Variants in SH3TC1 observed in about 807,000 individuals in gnomAD.
The protein encoded by SH3TC1 is SH3 domain and tetratricopeptide repeats 1.
A neutral mutation model predicts 117.3 loss-of-function variants in SH3TC1; 135 were observed. The observed-to-expected ratio is 1.15, with a 90% CI of 1.00 to 1.33. The LOEUF is 1.33. Ranked by LOEUF, SH3TC1 falls within the 40% of genes most tolerant of loss-of-function variation. The probability of loss-of-function intolerance (pLI) is 0.00; values close to 1 mark genes in which losing one functional copy is unlikely to be tolerated. For synonymous variants in SH3TC1, 898 were observed against 816.9 expected, an observed-to-expected ratio of 1.10 and a Z score of -1.69; for missense variants, 2,092 against 1,794.3, an observed-to-expected ratio of 1.17 and a Z score of -3.00.
chr4:8,214,324 CT>C (rs1174367694), intron 4 of SH3TC1, 150 bp from the exon 5 acceptor site: 2 of 644,162 alleles, frequency 3.1e-6, no homozygotes, highest in African/African-American at 3.7e-5. Flanking sequence ...AGGGGAGGAG[CT>C]GACTTGGGCT....
In SH3TC1 at chr4:8,190,463, G is replaced by T. The variant is rs1340321896; in HGVS notation, c.-57+8253G>T. On this transcript the variant is annotated intron_variant, in intron 1 of 16. Coordinates refer to the SH3TC1 transcript ENST00000508641. The surrounding 1 kb of genome is among the most constrained non-coding windows in gnomAD (Gnocchi z 4.7). ...TCGGGCCTATGGGATTGGAGGTCCT[G>T]GGGGGACTCATCTGTAAGCTGGGAT... is the stretch of plus-strand genomic sequence containing the variant. 6.6e-6 allele frequency among the ~76,000 whole-genome samples: 1 copy of T among 152,134 alleles called. No homozygotes were observed. The highest frequency in any genetic ancestry group is 2.4e-5 in the African/African-American group (1 of 41,434).
chr4:8,212,674 C>G, intron 3 of SH3TC1, 27 bp from the exon 4 acceptor site: 1 of 1,612,650 alleles, frequency 6.2e-7, no homozygotes, highest in Non-Finnish European at 8.5e-7. Context: ...GTCAGACCAA[C>G]TGCCCAACCT....
intron 14 of SH3TC1, 84 bp downstream of exon 14, chr4:8,233,597 ATCCT>A: frequency 7.0e-7 from 1 of 1,431,874 alleles, no homozygotes; most frequent in Non-Finnish European, 9.3e-7. Context: ...ATGATAGATG[ATCCT>A]TCCATCATCT....
upstream of SH3TC1, among the ~76,000 whole-genome samples, chr4:8,198,012 T>C (rs910968080): frequency 6.6e-6 from 1 of 152,108 alleles, no homozygotes; most frequent in South Asian, 2.1e-4. Context: ...ATCTGAGCTA[T>C]GTTTGGCTGC....
At chr4:8,237,760 C>T in intron 17 of SH3TC1, 90 bp downstream of exon 17, 1 of 1,372,974 alleles carries the variant, frequency 7.3e-7, no homozygotes, top group Admixed American at 2.7e-5. Context: ...TTCCAGCCTT[C>T]CTTAAGAATG....
In SH3TC1 at chr4:8,227,166, A is replaced by G; in HGVS notation, c.1472A>G (p.Asp491Gly). 6.2e-7 allele frequency: 1 copy of G among 1,603,830 alleles called. No homozygotes were observed. The highest frequency in any genetic ancestry group is 1.1e-5 in the South Asian group (1 of 89,892). The change falls in exon 12 of 18, where the codon GAC becomes GGC. Residue 491 changes from aspartate to glycine, a missense_variant. By Grantham distance (94) the Asp-to-Gly change is moderately conservative. Transcript: ENST00000245105. The part of the protein sequence containing the change: ...EEPSFCLEAE[D>G]DWEDPEALSS... ...CCCTCCTTCTGCTTGGAAGCCGAGG[A>G]CGACTGGGAGGACCCAGAGGCCCTG...
Position 8,186,042 on chromosome 4 carries a change from C to T in SH3TC1, c.-57+3832C>T, listed in dbSNP as rs1163376800. On this transcript the variant is annotated intron_variant, in intron 1 of 16. Transcript: ENST00000508641. The surrounding 1 kb of genome is among the most constrained non-coding windows in gnomAD (Gnocchi z 5.2). Reference sequence around the variant, plus strand: ...ATTGAGCAACATTTCCTACATTTTACGGTGATAGGCAGGAGCTGTCCGCGC... The same window carrying T: ...ATTGAGCAACATTTCCTACATTTTATGGTGATAGGCAGGAGCTGTCCGCGC... 6.6e-6 allele frequency among the ~76,000 whole-genome samples: 1 copy of T among 152,178 alleles called. No homozygotes were observed.
chr4:8,227,080 G>T lies in SH3TC1; in HGVS notation c.1386G>T (p.Glu462Asp), dbSNP rs201212473. ...QCKTCPGCPQ[E>D]PASWGLCAAS... ...AGACCTGCCCAGGCTGCCCCCAGGA[G>T]CCAGCGTCCTGGGGTCTCTGTGCGG... Residue 462 changes from glutamate to aspartate, a missense_variant, in exon 12 of 18, where the codon GAG (glutamate) becomes GAT (aspartate). Glu to Asp is a conservative substitution (Grantham distance 45). Coordinates refer to ENST00000245105, the MANE Select transcript of SH3TC1 (RefSeq NM_018986.5). The T allele has an allele frequency of 3.4e-5, 54 of 1,611,068 alleles. No homozygotes were observed. Among genetic ancestry groups the T allele is most frequent in the Non-Finnish European group, 4.3e-5 (51 of 1,178,804 alleles).
At chr4:8,239,973 T>C (rs768238296) in intron 17 of SH3TC1, among the ~76,000 whole-genome samples, 1 of 152,244 alleles carries the variant, frequency 6.6e-6, no homozygotes, top group African/African-American at 2.4e-5. Flanking sequence ...CATGGGCTGC[T>C]GCATCTTAGA....
rs539694801 is a variant in SH3TC1, at chr4:8,210,435, G to A, written c.247+613G>A. Among the ~76,000 whole-genome samples, 1 of 152,334 alleles carries A rather than the reference G, an allele frequency of 6.6e-6. No homozygotes were observed. The highest frequency in any genetic ancestry group is 6.5e-5 in the Admixed American group (1 of 15,306). The stretch of plus-strand genomic sequence containing the variant: ...TGGTCAGCACTGCTGGTGGCCACTC[G>A]GGATGACCAGGACGCATTAGGCAAT... On this transcript the variant is annotated intron_variant, in intron 3 of 17. Coordinates refer to ENST00000245105, the MANE Select transcript of SH3TC1 (RefSeq NM_018986.5). This position sits in a 1 kb window ranked among gnomAD's most constrained non-coding sequence, Gnocchi z 4.1.
In SH3TC1 at chr4:8,206,832, C is replaced by CGT. The variant is rs58753240; in HGVS notation, c.172+1502_172+1503dup. Among the ~76,000 whole-genome samples, 23,001 of 144,598 alleles carry CGT rather than the reference C, an allele frequency of 0.16. 1,807 individuals carry two copies. The highest frequency in any genetic ancestry group is 0.28 in the East Asian group (1,350 of 4,904). The allele number at this position is 144,598 out of a possible 152,430, so 94.9% of individuals were successfully genotyped here. On this transcript the variant is annotated intron_variant, in intron 2 of 17. Transcript: ENST00000245105. The surrounding 1 kb of genome is among the most constrained non-coding windows in gnomAD (Gnocchi z 5.5). ...AGGACTTTTACTTTGTGTGTGTACTCGTGTGTGTGTGTGTGTGTGTGTGTG... is the reference window on the plus strand; with the variant it reads ...AGGACTTTTACTTTGTGTGTGTACTCGTGTGTGTGTGTGTGTGTGTGTGTGTG...
intron 9 of SH3TC1, among the ~76,000 whole-genome samples, chr4:8,220,242 C>A (rs10938697): frequency 6.6e-5 from 10 of 151,706 alleles, no homozygotes; most frequent in African/African-American, 1.2e-4. Flanking sequence ...CTGGGCCCGA[C>A]CTTGCAGGCC....
rs150303428 is a variant in SH3TC1 at position 8,227,803 on chromosome 4, C to T, written c.2109C>T (p.Ala703=). The T allele has an allele frequency of 1.1e-5, 18 of 1,612,658 alleles. No individual in the cohort carries two copies. The highest frequency in any genetic ancestry group is 3.3e-5 in the South Asian group (3 of 91,088). ...ACAGGGACTCGGGAGCCCCAGAGGCCGCGTGGCTCTCAGACTGCTACCTAC... is the reference window on the plus strand; with the variant it reads ...ACAGGGACTCGGGAGCCCCAGAGGCTGCGTGGCTCTCAGACTGCTACCTAC... ...LLHRDSGAPE[A]AWLSDCYLLL... is the part of the protein sequence containing the mutation. Residue 703 remains alanine (A), a synonymous_variant, in exon 12 of 18, where the codon GCC becomes GCT. Transcript: ENST00000245105.
intron 10 of SH3TC1, 197 bp from the exon 11 acceptor site, chr4:8,224,978 C>A: frequency 1.6e-6 from 1 of 622,290 alleles, no homozygotes; most frequent in Admixed American, 2.7e-5. Flanking sequence ...TTGCACCTGA[C>A]CCTGCAACAC....
chr4:8,218,612 A>G (rs1719565138), intron 8 of SH3TC1, among the ~76,000 whole-genome samples: 1 of 152,214 alleles, frequency 6.6e-6, no homozygotes, highest in East Asian at 1.9e-4. Context: ...ATGCTCAGTG[A>G]AGCTGCACCA....
chr4:8,215,502 A>G (rs1195454784), intron 5 of SH3TC1, among the ~76,000 whole-genome samples: 1 of 151,768 alleles, frequency 6.6e-6, no homozygotes, highest in Non-Finnish European at 1.5e-5. Context: ...TTGTGGGGGG[A>G]TGTCCATCCA....
chr4:8,240,665 C>T (rs775582756), intron 17 of SH3TC1, 33 bp from the exon 18 acceptor site: 40 of 1,611,826 alleles, frequency 2.5e-5, no homozygotes, highest in Non-Finnish European at 3.4e-5. Context: ...GCTCCGAGTC[C>T]CCCTTTTGCT....
chr4:8,239,690 C>T (rs1227067918), intron 17 of SH3TC1, among the ~76,000 whole-genome samples: 2 of 152,232 alleles, frequency 1.3e-5, no homozygotes, highest in East Asian at 1.9e-4. Flanking sequence ...GGGATGCCAC[C>T]CGCTTCAGGA....
intron 14 of SH3TC1, among the ~76,000 whole-genome samples, chr4:8,234,490 TCCAC>T (rs59408131): frequency 0.56 from 83,530 of 147,852 alleles, 23,539 homozygotes; most frequent in East Asian, 0.69. Flanking sequence ...CATCCATCCA[TCCAC>T]CCATCCATCC....
Sources: allele counts gnomAD v4.1 joint callset (sites outside exome capture counted in the v4.1 genomes callset), GRCh38; gene constraint gnomAD v4.1.1; non-coding constraint Gnocchi (gnomAD v3.1); transcripts MANE v1.5; gene names NCBI Gene and HGNC (gene_info 2026-07-23, HGNC 2026-07-21).